Variants in SPON1 observed in about 807,000 individuals in gnomAD.
SPON1 encodes the protein spondin 1.
SPON1 carries 52 observed loss-of-function variants against 111.7 expected under a neutral mutation model. The ratio of observed to expected loss-of-function variants is 0.47; its 90% CI spans 0.37 to 0.59. The LOEUF is 0.59. Among genes scored for constraint, SPON1 ranks in the 20% least tolerant of loss-of-function variants. The probability of loss-of-function intolerance (pLI) is 0.00; values close to 1 mark genes in which losing one functional copy is unlikely to be tolerated. For missense variants in SPON1, 957 were observed against 1,068.5 expected (o/e 0.90, Z 1.46); for synonymous variants, 410 against 395.8 (o/e 1.04, Z -0.43).
chr11:14,058,809 A>G (rs553888998), intron 3 of SPON1, among the ~76,000 whole-genome samples: 21 of 152,126 alleles, frequency 1.4e-4, no homozygotes, highest in Non-Finnish European at 2.5e-4. Context: ...TATTTCCTCC[A>G]TTTTACAGAG....
At chr11:14,068,241 C>T (rs1848847916) in intron 3 of SPON1, among the ~76,000 whole-genome samples, 1 of 152,048 alleles carries the variant, frequency 6.6e-6, no homozygotes, top group South Asian at 2.1e-4. Flanking sequence ...ATCATGGTAA[C>T]CTTGTTATCC....
At chr11:14,046,901 G>A (rs1848672292) in intron 3 of SPON1, among the ~76,000 whole-genome samples, 1 of 152,082 alleles carries the variant, frequency 6.6e-6, no homozygotes, top group Admixed American at 6.5e-5. Context: ...TCTTCATTTA[G>A]ATTGCACATT....
chr11:14,159,966 A>G (rs12292882), intron 6 of SPON1, among the ~76,000 whole-genome samples: 62,241 of 151,576 alleles, frequency 0.41, 12,929 homozygotes, highest in East Asian at 0.55. Flanking sequence ...GAATGAGTAC[A>G]ACCTATTTGA....
intron 6 of SPON1, 136 bp from the exon 7 acceptor site, chr11:14,243,196 G>C: frequency 1.3e-6 from 1 of 764,008 alleles, no homozygotes; most frequent in African/African-American, 1.7e-5. Flanking sequence ...CCCAGAGAGA[G>C]GTGGCTGTAC....
Position 14,194,747 on chromosome 11 carries a change from G to T in SPON1, c.826-48585G>T, listed in dbSNP as rs555075926. Reference sequence around the variant, plus strand: ...GTTGTTATCAAACTGCAAGTAAAGGGATTCTTCTAAAAATGATTTTAGGGT... The same window carrying T: ...GTTGTTATCAAACTGCAAGTAAAGGTATTCTTCTAAAAATGATTTTAGGGT... On this transcript the variant is annotated intron_variant, in intron 6 of 15. Transcript: ENST00000576479. Among the ~76,000 whole-genome samples, 167 of 152,272 alleles carry T rather than the reference G, an allele frequency of 1.1e-3. 1 individual carries two copies. Among genetic ancestry groups the T allele is most frequent in the African/African-American group, 3.2e-3 (133 of 41,566 alleles).
At chr11:14,142,070 C>G (rs918856755) in intron 6 of SPON1, among the ~76,000 whole-genome samples, 3 of 152,208 alleles carry the variant, frequency 2.0e-5, no homozygotes, top group African/African-American at 4.8e-5. Context: ...CTTAACCCCT[C>G]TGTGTCTCAG....
intron 3 of SPON1, among the ~76,000 whole-genome samples, chr11:14,042,313 T>C (rs746023044): frequency 2.0e-5 from 3 of 152,150 alleles, no homozygotes; most frequent in Admixed American, 6.5e-5. Flanking sequence ...TGTGGTCAAA[T>C]GTTTGCAAAA....
rs1847489321 is a variant in SPON1, at chr11:14,128,523, C to T, written c.677-6897C>T. The stretch of plus-strand genomic sequence containing the variant: ...CCCCTGAGGCTCTGCAGGGTACAGC[C>T]CCCGCGGATGCTTTCACAAACTGGT... On this transcript the variant is annotated intron_variant, in intron 5 of 15. Transcript: ENST00000576479. Among the ~76,000 whole-genome samples, 3 of 152,294 alleles carry T rather than the reference C, an allele frequency of 2.0e-5. No individual in the cohort carries two copies. The South Asian group carries it at 6.2e-4, about 32-fold the overall frequency.
chr11:14,188,138 C>A (rs992504281), intron 6 of SPON1, among the ~76,000 whole-genome samples: 1 of 152,064 alleles, frequency 6.6e-6, no homozygotes, highest in Non-Finnish European at 1.5e-5. Flanking sequence ...AAACTCCTGA[C>A]CTCAGGTGAC....
intron 5 of SPON1, among the ~76,000 whole-genome samples, chr11:14,115,210 G>A (rs1278513264): frequency 1.3e-5 from 2 of 152,192 alleles, no homozygotes; most frequent in African/African-American, 4.8e-5. Context: ...AGCCTGGAGA[G>A]ACAAGACAAG....
rs948307103 is a variant in SPON1 at position 14,027,291 on chromosome 11, G to A, written c.346-14230G>A. 5.9e-5 allele frequency among the ~76,000 whole-genome samples: 9 copies of A among 152,292 alleles called. No homozygotes were observed. The East Asian group carries it at 1.5e-3, about 26-fold the overall frequency. ...TTTCCAAAATTCCAAGCCCTCTTGGGGCACACGGGGTCTTTCTGGAAGTTG... is the reference window on the plus strand; with the variant it reads ...TTTCCAAAATTCCAAGCCCTCTTGGAGCACACGGGGTCTTTCTGGAAGTTG... On this transcript the variant is annotated intron_variant, in intron 2 of 15. Coordinates refer to ENST00000576479, the MANE Select transcript of SPON1 (RefSeq NM_006108.4).
chr11:14,060,669 GCACC>G (rs1415335435), intron 3 of SPON1, among the ~76,000 whole-genome samples: 1 of 152,174 alleles, frequency 6.6e-6, no homozygotes, highest in African/African-American at 2.4e-5. Flanking sequence ...TGGAATTAGG[GCACC>G]CAAATGATTC....
chr11:14,257,601 C>A, intron 10 of SPON1, 115 bp from the exon 11 acceptor site: 1 of 981,060 alleles, frequency 1.0e-6, no homozygotes. Flanking sequence ...CCCAGGCTCA[C>A]TGAAGTCAGT....
At chr11:14,079,128 C>T (rs1248065986) in intron 4 of SPON1, among the ~76,000 whole-genome samples, 5 of 152,172 alleles carry the variant, frequency 3.3e-5, no homozygotes, top group African/African-American at 9.6e-5. Flanking sequence ...AAAGCAACAA[C>T]GTGCAGCTAG....
chr11:14,098,879 C>T (rs1387658415), intron 5 of SPON1, among the ~76,000 whole-genome samples: 1 of 152,026 alleles, frequency 6.6e-6, no homozygotes, highest in African/African-American at 2.4e-5. Context: ...TTAGTATTGT[C>T]ATTAAATTCT....
chr11:14,138,508 C>T (rs1365971056), intron 6 of SPON1, among the ~76,000 whole-genome samples: 2 of 152,030 alleles, frequency 1.3e-5, no homozygotes, highest in Admixed American at 6.5e-5. Flanking sequence ...ACAATGCTCA[C>T]CCTTTCGTGG....
chr11:14,229,946 G>A (rs1278159538), intron 6 of SPON1, among the ~76,000 whole-genome samples: 1 of 119,758 alleles, frequency 8.4e-6, no homozygotes, highest in South Asian at 3.0e-4. Flanking sequence ...GTCTGTCTGT[G>A]TGTCCGTGTG....
chr11:14,203,514 T>C (rs1848485577), intron 6 of SPON1, among the ~76,000 whole-genome samples: 10 of 152,220 alleles, frequency 6.6e-5, no homozygotes, highest in Admixed American at 6.5e-4. Flanking sequence ...CATCAAGATG[T>C]CCATTCCAAA....
At chr11:14,165,032 C>T (rs1200400416) in intron 6 of SPON1, among the ~76,000 whole-genome samples, 1 of 152,164 alleles carries the variant, frequency 6.6e-6, no homozygotes, top group Non-Finnish European at 1.5e-5. Context: ...GACTCCTAAA[C>T]CATAATTTCT....
Sources: allele counts gnomAD v4.1 joint callset (sites outside exome capture counted in the v4.1 genomes callset), GRCh38; gene constraint gnomAD v4.1.1; transcripts MANE v1.5; gene names NCBI Gene and HGNC (gene_info 2026-07-23, HGNC 2026-07-21).